RCSD1: variants seen among roughly 807,000 people sequenced by gnomAD.
RCSD1 encodes the protein RCSD domain containing 1.
Under a neutral mutation model 42.5 loss-of-function variants are expected in RCSD1, and 26 were observed. That is an observed-to-expected ratio of 0.61 (90% CI 0.45 to 0.85). RCSD1 has a LOEUF of 0.85. Among genes scored for constraint, RCSD1 ranks in the 40% least tolerant of loss-of-function variants. The pLI, the probability that RCSD1 is intolerant of heterozygous loss-of-function variation, is 0.00. For synonymous variants in RCSD1, 220 were observed against 212.2 expected (o/e 1.04, Z -0.32); for missense variants, 571 against 528.3 (o/e 1.08, Z -0.79).
In RCSD1 at chr1:167,697,807, G is replaced by A; in HGVS notation, c.1183G>A (p.Glu395Lys). Reference sequence around the variant, plus strand: ...CCCTGCCCAGCTGGAGACCAGCAGTGAGGTCCAGAGCGAGCCAGCAGTCCC... The same window carrying A: ...CCCTGCCCAGCTGGAGACCAGCAGTAAGGTCCAGAGCGAGCCAGCAGTCCC... Reference protein sequence around the residue: ...TGPAQLETSSEVQSEPAVPKP... With the variant: ...TGPAQLETSSKVQSEPAVPKP... The change falls in exon 6 of 7, where the codon GAG becomes AAG. Residue 395 changes from glutamate to lysine, a missense_variant. Glu to Lys is a moderately conservative substitution (Grantham distance 56). Transcript: ENST00000367854. 3 of 1,474,228 alleles carry A rather than the reference G, an allele frequency of 2.0e-6. No individual in the cohort carries two copies. The highest frequency in any genetic ancestry group is 1.8e-4 in the Middle Eastern group (1 of 5,532). 91.3% of individuals were successfully genotyped at this position (1,474,228 alleles called of 1,614,324 possible). A position where few individuals can be genotyped will look rare whatever the true frequency, so the allele number is the denominator to read the frequency against.
At chr1:167,693,975 T>A (rs1659437084) in intron 4 of RCSD1, 124 bp from the exon 5 acceptor site, 1 of 806,522 alleles carries the variant, frequency 1.2e-6, no homozygotes, top group African/African-American at 1.7e-5. Flanking sequence ...GGTTGGGAAG[T>A]AGCATGAAAA....
At chr1:167,631,367 C>T (rs1657692646) in intron 1 of RCSD1, among the ~76,000 whole-genome samples, 1 of 152,244 alleles carries the variant, frequency 6.6e-6, no homozygotes, top group South Asian at 2.1e-4. Context: ...GTGATTCCCA[C>T]TCATATTCAA....
rs58882983 is a variant in RCSD1, at chr1:167,677,935, G to T, written c.7-5965G>T. ...TGTTTATCTTATTCAGGAATAAAGTGGGAGGCAGATTTGCCTGATGCGTTT... is the reference window on the plus strand; with the variant it reads ...TGTTTATCTTATTCAGGAATAAAGTTGGAGGCAGATTTGCCTGATGCGTTT... On this transcript the variant is annotated intron_variant, in intron 1 of 6. Transcript: ENST00000367854. Among the ~76,000 whole-genome samples the T allele has an allele frequency of 9.3e-3, 1,416 of 152,288 alleles. 23 individuals carry two copies. Among genetic ancestry groups the T allele is most frequent in the African/African-American group, 0.033 (1,374 of 41,540 alleles).
chr1:167,666,436 C>T (rs1170064617), intron 1 of RCSD1, among the ~76,000 whole-genome samples: 2 of 152,144 alleles, frequency 1.3e-5, no homozygotes, highest in East Asian at 1.9e-4. Context: ...TTATGAAAGC[C>T]TACTACTACT....
At chr1:167,664,974 G>T (rs1658620221) in intron 1 of RCSD1, 1 of 151,204 alleles carries the variant, frequency 6.6e-6, no homozygotes, top group Non-Finnish European at 1.5e-5. Flanking sequence ...GGAGGTGAAG[G>T]TTGCAGTGAG....
intron 1 of RCSD1, among the ~76,000 whole-genome samples, chr1:167,659,239 G>T (rs1221002097): frequency 6.6e-6 from 1 of 152,064 alleles, no homozygotes; most frequent in African/African-American, 2.4e-5. Context: ...TATATCCTTT[G>T]TTATGTATTG....
chr1:167,672,919 G>T (rs1251405765), intron 1 of RCSD1, among the ~76,000 whole-genome samples: 1 of 152,130 alleles, frequency 6.6e-6, no homozygotes, highest in Non-Finnish European at 1.5e-5. Context: ...CTCATCCAGG[G>T]TGCTTTCATT....
chr1:167,677,680 A>G (rs1419737029), intron 1 of RCSD1, among the ~76,000 whole-genome samples: 5 of 152,242 alleles, frequency 3.3e-5, no homozygotes, highest in Non-Finnish European at 5.9e-5. Context: ...TCCATAGCTC[A>G]GTGAATCTGC....
intron 4 of RCSD1, among the ~76,000 whole-genome samples, chr1:167,693,227 C>A (rs1418887435): frequency 6.6e-6 from 1 of 152,180 alleles, no homozygotes; most frequent in Non-Finnish European, 1.5e-5. Context: ...GGACGCAGCT[C>A]TGTGGTGATT....
At chr1:167,701,251 AGTTTCTTTCTTT>A (rs1252226786) in intron 6 of RCSD1, among the ~76,000 whole-genome samples, 3 of 117,682 alleles carry the variant, frequency 2.5e-5, no homozygotes, top group African/African-American at 8.9e-5. Flanking sequence ...CCAATTGCCT[AGTTTCTTTCTTT>A]CTTTCTTTCT....
chr1:167,638,445 A>T (rs1657913452), intron 1 of RCSD1: 1 of 152,234 alleles, frequency 6.6e-6, no homozygotes, highest in South Asian at 2.1e-4. Context: ...TCTAGAAGGT[A>T]ATTACCAACC....
At chr1:167,644,168 T>C (rs1658071712) in intron 1 of RCSD1, among the ~76,000 whole-genome samples, 2 of 151,730 alleles carry the variant, frequency 1.3e-5, no homozygotes, top group African/African-American at 4.8e-5. Flanking sequence ...AAAAAGGGAG[T>C]CAGTCTCCTT....
chr1:167,641,817 G>A (rs991310578), intron 1 of RCSD1: 4 of 152,260 alleles, frequency 2.6e-5, no homozygotes, highest in Admixed American at 1.3e-4. Context: ...AAAACAGTGT[G>A]ATTGGTTCTG....
At chr1:167,700,911 A>G (rs1373314416) in intron 6 of RCSD1, among the ~76,000 whole-genome samples, 1 of 152,146 alleles carries the variant, frequency 6.6e-6, no homozygotes, top group East Asian at 1.9e-4. Flanking sequence ...GCATCTTCCA[A>G]TCCTGAAGGG....
chr1:167,668,649 T>C (rs755151784), intron 1 of RCSD1, among the ~76,000 whole-genome samples: 4 of 152,144 alleles, frequency 2.6e-5, no homozygotes, highest in South Asian at 4.1e-4. Flanking sequence ...AGGACTCTTT[T>C]GATTTGGTTC....
intron 1 of RCSD1, chr1:167,630,720 C>CAAAAAAAAAA (rs1657673893): frequency 2.7e-4 from 1 of 3,640 alleles, no homozygotes; most frequent in Non-Finnish European, 9.2e-4. Flanking sequence ...AACTTAAATG[C>CAAAAAAAAAA]TAAAAAAAAA....
chr1:167,697,060 A>T (rs1177573838), intron 5 of RCSD1, 39 bp from the exon 6 acceptor site: 9 of 1,568,664 alleles, frequency 5.7e-6, no homozygotes, highest in Middle Eastern at 1.7e-4. Context: ...GCCTTTTTTT[A>T]TGAGTTTTTG....
At position 167,690,270 on chromosome 1, in the gene RCSD1, C is replaced by T. The variant is rs192342201; in HGVS notation, c.270+150C>T. On this transcript the variant is annotated intron_variant, in intron 4 of 6. Coordinates refer to ENST00000367854, the MANE Select transcript of RCSD1 (RefSeq NM_052862.4). ...CAGCCAGTGATCAAATTGCAGTAAA[C>T]GATAAGGATCTCACAGCCCTGCCTG... 719 of 668,094 alleles carry T rather than the reference C, an allele frequency of 1.1e-3. 3 individuals are homozygous for T. Among genetic ancestry groups the T allele is most frequent in the Non-Finnish European group, 1.5e-3 (586 of 383,538 alleles). 41.4% of individuals were successfully genotyped at this position (668,094 alleles called of 1,614,324 possible). A position where few individuals can be genotyped will look rare whatever the true frequency, so the allele number is the denominator to read the frequency against.
At chr1:167,660,300 A>G (rs774679800) in intron 1 of RCSD1, among the ~76,000 whole-genome samples, 7 of 152,082 alleles carry the variant, frequency 4.6e-5, no homozygotes, top group Non-Finnish European at 1.0e-4. Flanking sequence ...CATCTCCAGA[A>G]CACTGTCTAT....
Sources: allele counts gnomAD v4.1 joint callset (sites outside exome capture counted in the v4.1 genomes callset), GRCh38; gene constraint gnomAD v4.1.1; transcripts MANE v1.5; gene names NCBI Gene and HGNC (gene_info 2026-07-23, HGNC 2026-07-21).